The following OXNAD1 variants were observed in gnomAD, a reference collection of about 807,000 sequenced individuals.
OXNAD1 encodes oxidoreductase NAD binding domain containing 1, also known as oxidoreductase NAD-binding domain-containing protein 1.
OXNAD1 carries 34 observed loss-of-function variants against 32.9 expected under a neutral mutation model. The ratio of observed to expected loss-of-function variants is 1.03; its 90% CI spans 0.79 to 1.38. The LOEUF (loss-of-function observed/expected upper bound fraction) is 1.38, where lower values mean the gene tolerates loss of function less well. Among genes scored for constraint, OXNAD1 ranks in the 40% most tolerant of loss-of-function variants. The pLI is 0.00. For synonymous variants in OXNAD1, 134 were observed against 135.2 expected, an observed-to-expected ratio of 0.99 and a Z score of 0.06; for missense variants, 407 against 379.4, an observed-to-expected ratio of 1.07 and a Z score of -0.60.
chr3:16,321,066 T>A lies in OXNAD1; in HGVS notation c.*31-16046T>A, dbSNP rs564617945. On this transcript the variant is annotated intron_variant, in intron 9 of 9. Transcript: ENST00000435829. This position sits in a 1 kb window ranked among gnomAD's most constrained non-coding sequence, Gnocchi z 4.8. Reference sequence around the variant, plus strand: ...AACACAGATGGGTCTTAAGGATAGATTGAATATAGGGGAAGGAGAGGGGAG... The same window carrying A: ...AACACAGATGGGTCTTAAGGATAGAATGAATATAGGGGAAGGAGAGGGGAG... Among the ~76,000 whole-genome samples, 1 of 151,754 alleles carries A rather than the reference T, an allele frequency of 6.6e-6. No homozygotes were observed. The highest frequency in any genetic ancestry group is 2.4e-5 in the African/African-American group (1 of 41,286).
intron 9 of OXNAD1, among the ~76,000 whole-genome samples, chr3:16,324,736 T>C (rs2069524367): frequency 6.7e-6 from 1 of 149,156 alleles, no homozygotes; most frequent in Non-Finnish European, 1.5e-5. Flanking sequence ...GAGGGACACC[T>C]AAGTTGTTTC....
At chr3:16,267,235 T>C (rs1156650896) in intron 1 of OXNAD1, among the ~76,000 whole-genome samples, 2 of 152,230 alleles carry the variant, frequency 1.3e-5, no homozygotes, top group East Asian at 3.8e-4. Flanking sequence ...TACCTTATTA[T>C]AATCTTAGAC....
At position 16,285,651 on chromosome 3, in the gene OXNAD1, T is replaced by G. The variant is rs568426185; in HGVS notation, c.184-691T>G. 7.9e-5 allele frequency among the ~76,000 whole-genome samples: 12 copies of G among 152,358 alleles called. No individual in the cohort carries two copies. The South Asian group carries it at 2.3e-3, about 29-fold the overall frequency. ...CTTTCCAGAAATCAGATACATCATG[T>G]AAAAATAGTGCTTCTCAAATTATCT... On this transcript the variant is annotated intron_variant, in intron 4 of 8. Transcript: ENST00000285083.
rs2066893611 is a variant in OXNAD1, at chr3:16,297,647, G to T, written c.432+2650G>T. Among the ~76,000 whole-genome samples the T allele has an allele frequency of 6.6e-6, 1 of 152,166 alleles. No homozygotes were observed. The highest frequency in any genetic ancestry group is 2.1e-4 in the South Asian group (1 of 4,828). ...TAACTTGTGATATAGTCATACAAGG[G>T]ACTATTAAAGAGATGAATTATTGAT... is the stretch of plus-strand genomic sequence containing the variant. On this transcript the variant is annotated intron_variant, in intron 6 of 8. Coordinates refer to ENST00000285083, the MANE Select transcript of OXNAD1 (RefSeq NM_138381.5). The surrounding 1 kb of genome is among the most constrained non-coding windows in gnomAD (Gnocchi z 4.3).
chr3:16,272,331 C>T, intron 4 of OXNAD1: 1 of 236,934 alleles, frequency 4.2e-6, no homozygotes, highest in South Asian at 4.4e-5. Flanking sequence ...AGTGAGTAAC[C>T]CCATTTTTGT....
chr3:16,285,323 C>A (rs918470112), intron 4 of OXNAD1, among the ~76,000 whole-genome samples: 5 of 152,162 alleles, frequency 3.3e-5, no homozygotes, highest in African/African-American at 1.2e-4. Context: ...GTTCATTGAC[C>A]TTGACAGATT....
In OXNAD1 at chr3:16,277,758, C is replaced by A. The variant is rs1453370914; in HGVS notation, c.183+6036C>A. Among the ~76,000 whole-genome samples the A allele has an allele frequency of 6.6e-6, 1 of 152,134 alleles. No homozygotes were observed. Among genetic ancestry groups the A allele is most frequent in the African/African-American group, 2.4e-5 (1 of 41,420 alleles). On this transcript the variant is annotated intron_variant, in intron 4 of 8. Coordinates refer to ENST00000285083, the MANE Select transcript of OXNAD1 (RefSeq NM_138381.5). The surrounding 1 kb of genome is among the most constrained non-coding windows in gnomAD (Gnocchi z 4.3). The stretch of plus-strand genomic sequence containing the variant: ...TCCTCTGGAAAGTTTACTGAATGAC[C>A]ATTTATGATGTTTATGCTTCTTACT...
downstream of OXNAD1, chr3:16,306,180 G>GT (rs2067543215): frequency 6.6e-6 from 1 of 152,042 alleles, no homozygotes; most frequent in South Asian, 2.1e-4. Context: ...TCTGATATTT[G>GT]TATCTTTCTC....
Position 16,301,835 on chromosome 3 carries a change from C to T in OXNAD1, c.642C>T (p.Tyr214=). 6.2e-7 allele frequency: 1 copy of T among 1,614,026 alleles called. No individual in the cohort carries two copies. Among genetic ancestry groups the T allele is most frequent in the Non-Finnish European group, 8.5e-7 (1 of 1,179,934 alleles). Residue 214 remains tyrosine (Y), a synonymous_variant, in exon 7 of 9, where the codon TAC becomes TAT. Coordinates refer to ENST00000285083, the MANE Select transcript of OXNAD1 (RefSeq NM_138381.5). The surrounding 1 kb of genome is among the most constrained non-coding windows in gnomAD (Gnocchi z 4.1). Reference sequence around the variant, plus strand: ...AGATAGGAACAATAAAACTATTCTACAGTGCAAAAAATACCAGCGAACTCC... The same window carrying T: ...AGATAGGAACAATAAAACTATTCTATAGTGCAAAAAATACCAGCGAACTCC... ...GYEIGTIKLF[Y]SAKNTSELLF...
At chr3:16,326,446 C>G (rs2069699524) in intron 9 of OXNAD1, among the ~76,000 whole-genome samples, 1 of 152,258 alleles carries the variant, frequency 6.6e-6, no homozygotes, top group Non-Finnish European at 1.5e-5. Flanking sequence ...CCTACCTAGC[C>G]TAGCACAAGG....
At position 16,322,196 on chromosome 3, in the gene OXNAD1, C is replaced by T. The variant is rs1191508859; in HGVS notation, c.*31-14916C>T. On this transcript the variant is annotated intron_variant, in intron 9 of 9. Coordinates refer to the OXNAD1 transcript ENST00000435829. The surrounding 1 kb of genome is among the most constrained non-coding windows in gnomAD (Gnocchi z 6.2). ...CTCCTGGTGGTTGATGGTGGGCTGGCAGTTCCCTTCTGGTCCATTGTGCCG... is the reference window on the plus strand; with the variant it reads ...CTCCTGGTGGTTGATGGTGGGCTGGTAGTTCCCTTCTGGTCCATTGTGCCG... Among the ~76,000 whole-genome samples, 1 of 152,212 alleles carries T rather than the reference C, an allele frequency of 6.6e-6. No individual in the cohort carries two copies. Among genetic ancestry groups the T allele is most frequent in the African/African-American group, 2.4e-5 (1 of 41,452 alleles).
intron 9 of OXNAD1, among the ~76,000 whole-genome samples, chr3:16,315,264 C>T (rs984274659): frequency 6.6e-5 from 10 of 152,066 alleles, no homozygotes; most frequent in South Asian, 2.1e-4. Flanking sequence ...TACAAGCACC[C>T]GCCACCACGC....
chr3:16,289,006 C>T lies in OXNAD1; in HGVS notation c.290+2558C>T, dbSNP rs12495804. Among the ~76,000 whole-genome samples, 7,983 of 152,288 alleles carry T rather than the reference C, an allele frequency of 0.052. 285 individuals are homozygous for T. The highest frequency in any genetic ancestry group is 0.085 in the Middle Eastern group (25 of 294). ...GCTCAGCTCACATGCTTGCTTTCTACCAGCCAGCTCTGTGATGTGGTCAGT... is the reference window on the plus strand; with the variant it reads ...GCTCAGCTCACATGCTTGCTTTCTATCAGCCAGCTCTGTGATGTGGTCAGT... On this transcript the variant is annotated intron_variant, in intron 5 of 8. Coordinates refer to ENST00000285083, the MANE Select transcript of OXNAD1 (RefSeq NM_138381.5). This position sits in a 1 kb window ranked among gnomAD's most constrained non-coding sequence, Gnocchi z 4.9.
At position 16,303,629 on chromosome 3, in the gene OXNAD1, C is replaced by A; in HGVS notation, c.*67C>A. The A allele has an allele frequency of 6.7e-7, 1 of 1,496,172 alleles. No homozygotes were observed. The highest frequency in any genetic ancestry group is 1.3e-5 in the South Asian group (1 of 75,182). 92.7% of individuals were successfully genotyped at this position (1,496,172 alleles called of 1,614,324 possible). Reference sequence around the variant, plus strand: ...TCAGGAGAGCTCCTGTCCTTTGTGGCATGATTAATTTTTTTTATCTCTACT... The same window carrying A: ...TCAGGAGAGCTCCTGTCCTTTGTGGAATGATTAATTTTTTTTATCTCTACT... On this transcript the variant is annotated 3_prime_UTR_variant, in exon 9 of 9. Transcript: ENST00000285083. The surrounding 1 kb of genome is among the most constrained non-coding windows in gnomAD (Gnocchi z 4.8).
chr3:16,326,515 C>T (rs1376628208), intron 9 of OXNAD1, among the ~76,000 whole-genome samples: 3 of 152,156 alleles, frequency 2.0e-5, no homozygotes, highest in East Asian at 1.9e-4. Flanking sequence ...TCAGTCTGAG[C>T]GGCTCATCTT....
rs963262476 is a variant in OXNAD1 at position 16,342,773 on chromosome 3, T to C, written c.*31-6403T>C. On this transcript the variant is annotated intron_variant, in intron 9 of 9. Coordinates refer to the OXNAD1 transcript ENST00000606098. This position sits in a 1 kb window ranked among gnomAD's most constrained non-coding sequence, Gnocchi z 4.0. Reference sequence around the variant, plus strand: ...CTGATTTAAAAGCTCTGTGTCAACATGCATGCCCAGCTTATTCAAGTTGGA... The same window carrying C: ...CTGATTTAAAAGCTCTGTGTCAACACGCATGCCCAGCTTATTCAAGTTGGA... Among the ~76,000 whole-genome samples, 3 of 152,254 alleles carry C rather than the reference T, an allele frequency of 2.0e-5. No homozygotes were observed. Among genetic ancestry groups the C allele is most frequent in the Non-Finnish European group, 4.4e-5 (3 of 68,042 alleles).
chr3:16,300,297 T>C (rs2067089977), intron 6 of OXNAD1, among the ~76,000 whole-genome samples: 1 of 152,198 alleles, frequency 6.6e-6, no homozygotes, highest in African/African-American at 2.4e-5. Context: ...AAAATATAAA[T>C]GGTTAGGCAG....
intron 6 of OXNAD1, among the ~76,000 whole-genome samples, chr3:16,300,354 C>T (rs112571388): frequency 5.3e-5 from 8 of 152,302 alleles, no homozygotes; most frequent in African/African-American, 1.7e-4. Context: ...TATTCCTAAA[C>T]ATAGAATCAC....
chr3:16,293,804 C>T (rs2066583513), intron 5 of OXNAD1, among the ~76,000 whole-genome samples: 2 of 152,256 alleles, frequency 1.3e-5, no homozygotes, highest in African/African-American at 4.8e-5. Flanking sequence ...TTTGTAGGTG[C>T]CCTTTATCAG....
Sources: allele counts gnomAD v4.1 joint callset (sites outside exome capture counted in the v4.1 genomes callset), GRCh38; gene constraint gnomAD v4.1.1; non-coding constraint Gnocchi (gnomAD v3.1); transcripts MANE v1.5; gene names NCBI Gene and HGNC (gene_info 2026-07-23, HGNC 2026-07-21).